STK3: variants seen among roughly 807,000 people sequenced by gnomAD.
STK3 encodes the protein serine/threonine-protein kinase 3.
In STK3, 41 loss-of-function variants were observed where a neutral mutation model predicts 58.0. The ratio of observed to expected loss-of-function variants is 0.71; its 90% CI spans 0.55 to 0.92. The LOEUF is 0.92. Among genes scored for constraint, STK3 ranks in the 40% least tolerant of loss-of-function variants. The pLI is 0.00. For synonymous variants in STK3, 170 were observed against 191.0 expected, an observed-to-expected ratio of 0.89 and a Z score of 0.91; for missense variants, 479 against 602.7, an observed-to-expected ratio of 0.79 and a Z score of 2.15.
intron 10 of STK3, among the ~76,000 whole-genome samples, chr8:98,462,396 T>TC (rs1220130120): frequency 1.3e-5 from 2 of 152,210 alleles, no homozygotes; most frequent in Non-Finnish European, 2.9e-5. Flanking sequence ...CTATCCTATT[T>TC]CCCATTTTAT....
At chr8:98,503,319 CA>C (rs1195825341) in intron 10 of STK3, among the ~76,000 whole-genome samples, 1 of 152,040 alleles carries the variant, frequency 6.6e-6, no homozygotes, top group Admixed American at 6.6e-5. Context: ...GTCTTGCTAG[CA>C]GTCTATTTTA....
chr8:98,384,982 T>G (rs1817775689), intron 1 of STK3, among the ~76,000 whole-genome samples: 1 of 152,136 alleles, frequency 6.6e-6, no homozygotes, highest in Non-Finnish European at 1.5e-5. Flanking sequence ...TTCTTTCACC[T>G]TATGGCCCTC....
chr8:98,734,074 A>G (rs1409568522), intron 4 of STK3, among the ~76,000 whole-genome samples: 1 of 152,090 alleles, frequency 6.6e-6, no homozygotes, highest in Non-Finnish European at 1.5e-5. Context: ...GGGAAGTGCT[A>G]CACACTCTCA....
intron 1 of STK3, among the ~76,000 whole-genome samples, chr8:98,824,891 G>C (rs972521022): frequency 4.6e-5 from 7 of 152,214 alleles, no homozygotes; most frequent in African/African-American, 1.2e-4. Context: ...CTTGGGGAGA[G>C]AGGAATACAT....
intron 3 of STK3, among the ~76,000 whole-genome samples, chr8:98,838,961 T>G (rs1835852687): frequency 6.6e-6 from 1 of 151,156 alleles, no homozygotes; most frequent in Non-Finnish European, 1.5e-5. Context: ...TTAACCTTCT[T>G]CTTTGTTTTT....
At chr8:98,429,662 A>G (rs930113522) in intron 3 of STK3, 14 of 490,426 alleles carry the variant, frequency 2.9e-5, no homozygotes, top group African/African-American at 2.1e-4. Context: ...TGGGCATAAA[A>G]TGTTCACCTT....
intron 3 of STK3, among the ~76,000 whole-genome samples, chr8:98,860,282 T>G (rs1251343336): frequency 1.3e-5 from 2 of 151,926 alleles, no homozygotes; most frequent in Admixed American, 6.6e-5. Flanking sequence ...TGGCTGGAGG[T>G]TGGTGGTTCC....
At chr8:98,415,192 G>C (rs1818101014) in intron 3 of STK3, among the ~76,000 whole-genome samples, 1 of 152,188 alleles carries the variant, frequency 6.6e-6, no homozygotes, top group African/African-American at 2.4e-5. Context: ...GAAACAGACA[G>C]CAGCCCTCGC....
At chr8:98,385,900 T>C (rs1286893742) in intron 1 of STK3, among the ~76,000 whole-genome samples, 1 of 152,222 alleles carries the variant, frequency 6.6e-6, no homozygotes, top group Non-Finnish European at 1.5e-5. Context: ...CTTCTTCCAG[T>C]GCCACTTCAT....
At chr8:98,730,876 TTAACCCAGGGAC>T (rs1304938434) in intron 4 of STK3, among the ~76,000 whole-genome samples, 1 of 152,156 alleles carries the variant, frequency 6.6e-6, no homozygotes, top group Non-Finnish European at 1.5e-5. Flanking sequence ...CAACCATCCT[TTAACCCAGGGAC>T]TAACGCTGAT....
intron 10 of STK3, among the ~76,000 whole-genome samples, chr8:98,522,414 GTTCC>G (rs1005462356): frequency 3.3e-5 from 5 of 152,036 alleles, no homozygotes; most frequent in African/African-American, 1.2e-4. Flanking sequence ...TAACTTTGCT[GTTCC>G]TTCCATCATG....
At chr8:98,358,935 G>A in the STK3 span, among the ~76,000 whole-genome samples, 1 of 152,112 alleles carries the variant, frequency 6.6e-6, no homozygotes, top group African/African-American at 2.4e-5. Flanking sequence ...GGACTGCAGC[G>A]CACACACGCA....
downstream of STK3, among the ~76,000 whole-genome samples, chr8:98,450,829 C>G (rs916388994): frequency 1.3e-5 from 2 of 152,124 alleles, no homozygotes; most frequent in African/African-American, 4.8e-5. Flanking sequence ...AACAACAGTC[C>G]TAAGTTGTAA....
chr8:98,915,427 C>T (rs1839305648), intron 1 of STK3, among the ~76,000 whole-genome samples: 1 of 67,240 alleles, frequency 1.5e-5, no homozygotes, highest in Non-Finnish European at 2.6e-5. Context: ...ACTTAATAAA[C>T]TTTCCTATAT....
At chr8:98,871,451 G>A (rs931714642) in intron 3 of STK3, among the ~76,000 whole-genome samples, 3 of 152,094 alleles carry the variant, frequency 2.0e-5, no homozygotes, top group Admixed American at 6.5e-5. Flanking sequence ...CCATTTTCTC[G>A]ATATTGATTC....
At chr8:98,542,227 TA>T (rs1810334741) in intron 9 of STK3, among the ~76,000 whole-genome samples, 1 of 152,118 alleles carries the variant, frequency 6.6e-6, no homozygotes, top group South Asian at 2.1e-4. Flanking sequence ...TAAAATAAAA[TA>T]AAATGTAAAT....
chr8:98,481,532 G>A (rs1309442978), intron 10 of STK3, among the ~76,000 whole-genome samples: 1 of 152,116 alleles, frequency 6.6e-6, no homozygotes, highest in Non-Finnish European at 1.5e-5. Flanking sequence ...ATAAGTGGGA[G>A]CTAAGCTACG....
At chr8:98,785,582 A>G (rs1832412088) in intron 1 of STK3, among the ~76,000 whole-genome samples, 2 of 152,156 alleles carry the variant, frequency 1.3e-5, no homozygotes, top group Non-Finnish European at 2.9e-5. Flanking sequence ...CAGGAAACTC[A>G]GACTACTGTA....
At chr8:98,401,862 C>A (rs1267317596) in intron 3 of STK3, among the ~76,000 whole-genome samples, 1 of 152,084 alleles carries the variant, frequency 6.6e-6, no homozygotes, top group Non-Finnish European at 1.5e-5. Flanking sequence ...TATCAAGAAT[C>A]CAGCCTTTAC....
Sources: gnomAD v4.1 joint callset for allele counts (sites outside exome capture counted in the v4.1 genomes callset) on GRCh38, gnomAD v4.1.1 for gene constraint, MANE v1.5 for transcripts, NCBI Gene and HGNC (gene_info 2026-07-23, HGNC 2026-07-21) for gene names.